The following SUN3 variants were observed in gnomAD, a reference collection of about 807,000 sequenced individuals.
SUN3 encodes Sad1 and UNC84 domain containing 3.
A neutral mutation model predicts 48.2 loss-of-function variants in SUN3; 36 were observed. That is an observed-to-expected ratio of 0.75 (90% CI 0.57 to 0.99). The LOEUF (loss-of-function observed/expected upper bound fraction) is 0.99. Among genes scored for constraint, SUN3 ranks in the 50% least tolerant of loss-of-function variants. The probability of loss-of-function intolerance (pLI) is 0.00; values close to 1 mark genes in which losing one functional copy is unlikely to be tolerated. For synonymous variants in SUN3, 148 were observed against 147.9 expected (o/e 1.00, Z 0.00); for missense variants, 419 against 433.1 (o/e 0.97, Z 0.29).
At chr7:47,999,020 A>C (rs1335884377) in intron 6 of SUN3, among the ~76,000 whole-genome samples, 1 of 152,188 alleles carries the variant, frequency 6.6e-6, no homozygotes, top group Non-Finnish European at 1.5e-5. Context: ...AATGGTTGTC[A>C]ATTTCTACAA....
At chr7:47,994,616 G>A (rs1789153879) in intron 7 of SUN3, 134 bp from the exon 8 acceptor site, 11 of 861,470 alleles carry the variant, frequency 1.3e-5, no homozygotes, top group Non-Finnish European at 1.2e-5. Context: ...GGCACCTCTA[G>A]TGTGGTTGTT....
intron 6 of SUN3, among the ~76,000 whole-genome samples, chr7:48,004,062 C>T (rs113225556): frequency 0.023 from 3,574 of 152,090 alleles, 61 homozygotes; most frequent in Non-Finnish European, 0.035. Flanking sequence ...CCATCTGGTT[C>T]TTTTTATTCT....
At chr7:48,013,242 T>C (rs1489746542) in intron 3 of SUN3, among the ~76,000 whole-genome samples, 2 of 152,306 alleles carry the variant, frequency 1.3e-5, no homozygotes, top group East Asian at 3.9e-4. Flanking sequence ...CCTTCCTTCA[T>C]TGTGCTGATC....
chr7:48,011,809 G>A (rs975359999), intron 3 of SUN3, among the ~76,000 whole-genome samples: 5 of 152,178 alleles, frequency 3.3e-5, no homozygotes, highest in African/African-American at 1.2e-4. Context: ...GTAAGGAAGT[G>A]AAAGTGAAGA....
chr7:48,016,572 G>C (rs919668789), intron 3 of SUN3, among the ~76,000 whole-genome samples: 60 of 152,258 alleles, frequency 3.9e-4, no homozygotes, highest in African/African-American at 1.4e-3. Context: ...CTCAGTCTAA[G>C]CCCACCTAGA....
rs1790215264 is a variant in SUN3 at position 48,029,011 on chromosome 7, A to C, written c.-73T>G. 3.1e-6 allele frequency: 5 copies of C among 1,599,364 alleles called. No homozygotes were observed. Among genetic ancestry groups the C allele is most frequent in the African/African-American group, 2.7e-5 (2 of 74,190 alleles). On this transcript the variant is annotated 5_prime_UTR_variant, in exon 1 of 10. Coordinates refer to ENST00000297325, the MANE Select transcript of SUN3 (RefSeq NM_001030019.2). ...TGTCCTCATTCCTATTTTATGAAAA[A>C]CATGAAGCTATACATACAGTTTCTA...
rs112855869 is a variant in SUN3 at position 47,997,789 on chromosome 7, A to AT, written c.578-1644dup. 3.0e-3 allele frequency among the ~76,000 whole-genome samples: 452 copies of AT among 152,290 alleles called. 6 individuals are homozygous for AT. Among genetic ancestry groups the AT allele is most frequent in the African/African-American group, 0.01 (421 of 41,556 alleles). ...ATTAATCTATTTTCTGTCCCTGTAG[A>AT]TTACCTATTCTGGACATTTCTTTTG... is the stretch of plus-strand genomic sequence containing the variant. On this transcript the variant is annotated intron_variant, in intron 6 of 9. Transcript: ENST00000297325.
intron 2 of SUN3, among the ~76,000 whole-genome samples, 161 bp from the exon 3 acceptor site, chr7:48,017,526 A>G (rs1277130963): frequency 6.6e-6 from 1 of 152,230 alleles, no homozygotes; most frequent in Non-Finnish European, 1.5e-5. Flanking sequence ...TAGTACACAC[A>G]AAAAATCAGG....
rs1790203839 is a variant in SUN3, at chr7:48,028,721, T to C, written c.122+96A>G. 3.4e-6 allele frequency: 5 copies of C among 1,486,426 alleles called. No homozygotes were observed. In the South Asian group the frequency reaches 3.8e-5, roughly 11 times the overall value. The allele number at this position is 1,486,426 out of a possible 1,614,324, so 92.1% of individuals were successfully genotyped here. ...TTTTCTCTATAAAGGGAGAAAATAC[T>C]GTCGGGTAACAGGTAACAGATGAAC... is the stretch of plus-strand genomic sequence containing the variant. On this transcript the variant is annotated intron_variant, in intron 1 of 9. Transcript: ENST00000297325.
chr7:48,024,999 T>A (rs1282622757), intron 2 of SUN3, among the ~76,000 whole-genome samples: 1 of 152,146 alleles, frequency 6.6e-6, no homozygotes, highest in Non-Finnish European at 1.5e-5. Flanking sequence ...TGTAAAATAG[T>A]GCAGCCATTG....
At chr7:48,008,391 G>A (rs754965820) in intron 4 of SUN3, among the ~76,000 whole-genome samples, 4 of 152,254 alleles carry the variant, frequency 2.6e-5, no homozygotes, top group South Asian at 2.1e-4. Context: ...TTATAATTTT[G>A]TGTCTCCACT....
chr7:47,987,936 G>C (rs746426829), intron 9 of SUN3, among the ~76,000 whole-genome samples: 1 of 152,180 alleles, frequency 6.6e-6, no homozygotes, highest in Non-Finnish European at 1.5e-5. Context: ...TAAGTAGAGG[G>C]AGAGGAGGAT....
chr7:48,002,078 T>G (rs773164557), intron 6 of SUN3, among the ~76,000 whole-genome samples: 1 of 140,888 alleles, frequency 7.1e-6, no homozygotes, highest in Non-Finnish European at 1.6e-5. Flanking sequence ...ATCTGTTAGT[T>G]TTTGACTTTT....
upstream of SUN3, among the ~76,000 whole-genome samples, chr7:48,032,413 C>A (rs1314391817): frequency 1.3e-5 from 2 of 152,126 alleles, no homozygotes; most frequent in African/African-American, 2.4e-5. Context: ...TTAATTATAT[C>A]TCAATAAAGT....
intron 4 of SUN3, among the ~76,000 whole-genome samples, chr7:48,008,595 T>C (rs1422002695): frequency 6.6e-6 from 1 of 152,202 alleles, no homozygotes; most frequent in East Asian, 1.9e-4. Flanking sequence ...TCCATAGAAG[T>C]AGAAATATGT....
intron 6 of SUN3, 118 bp downstream of exon 6, chr7:48,005,851 C>T (rs1789508603): frequency 1.2e-5 from 4 of 322,438 alleles, no homozygotes; most frequent in Admixed American, 1.5e-4. Flanking sequence ...TGATTAATTT[C>T]CCCCCCCCAA....
chr7:47,998,310 A>G (rs992012021), intron 6 of SUN3, among the ~76,000 whole-genome samples: 4 of 152,230 alleles, frequency 2.6e-5, no homozygotes, highest in Admixed American at 2.6e-4. Flanking sequence ...CATTTCACTA[A>G]TGAATAATTA....
At chr7:48,035,679 G>A in the SUN3 span, 1 of 629,622 alleles carries the variant, frequency 1.6e-6, no homozygotes, top group Non-Finnish European at 2.9e-6. This position sits in a 1 kb window ranked among gnomAD's most constrained non-coding sequence, Gnocchi z 4.0. Context: ...CTGTGGTCCC[G>A]GGCCTTGTCC....
chr7:48,005,561 T>G (rs1317889433), intron 6 of SUN3, among the ~76,000 whole-genome samples: 1 of 152,210 alleles, frequency 6.6e-6, no homozygotes, highest in Non-Finnish European at 1.5e-5. Flanking sequence ...TAATTAATTT[T>G]AATTGGAAGA....
Sources: allele counts gnomAD v4.1 joint callset (sites outside exome capture counted in the v4.1 genomes callset), GRCh38; gene constraint gnomAD v4.1.1; non-coding constraint Gnocchi (gnomAD v3.1); transcripts MANE v1.5; gene names NCBI Gene and HGNC (gene_info 2026-07-23, HGNC 2026-07-21).